Variants in UBE2E2 observed in about 807,000 individuals in gnomAD.
UBE2E2 encodes ubiquitin-conjugating enzyme E2 E2.
Under a neutral mutation model 24.7 loss-of-function variants are expected in UBE2E2, and 6 were observed. The observed-to-expected ratio is 0.24, with a 90% CI of 0.13 to 0.48. UBE2E2 has a LOEUF of 0.48. Among genes scored for constraint, UBE2E2 ranks in the 20% least tolerant of loss-of-function variants. The pLI is 0.99. For synonymous variants in UBE2E2, 104 were observed against 83.6 expected, an observed-to-expected ratio of 1.24 and a Z score of -1.33; for missense variants, 169 against 245.0, an observed-to-expected ratio of 0.69 and a Z score of 2.07.
chr3:23,240,047 C>G (rs531866389), intron 3 of UBE2E2, among the ~76,000 whole-genome samples: 2 of 152,182 alleles, frequency 1.3e-5, no homozygotes, highest in African/African-American at 4.8e-5. Context: ...CATAAAGGAG[C>G]CTGGTTAAAG....
rs568927822 is a variant in UBE2E2 at position 23,543,823 on chromosome 3, A to G, written c.508+11122A>G. On this transcript the variant is annotated intron_variant, in intron 5 of 5. Transcript: ENST00000396703. ...ATGTTACTTGATTTCAAATTATACT[A>G]CAAGTCTGTGGTAACCAACAGCATG... is the stretch of plus-strand genomic sequence containing the variant. 8.5e-5 allele frequency among the ~76,000 whole-genome samples: 13 copies of G among 152,320 alleles called. No individual in the cohort carries two copies. The East Asian group carries it at 2.5e-3, about 29-fold the overall frequency.
chr3:23,325,905 A>C (rs1055617734), intron 3 of UBE2E2, among the ~76,000 whole-genome samples: 73 of 152,208 alleles, frequency 4.8e-4, no homozygotes, highest in African/African-American at 1.7e-3. Flanking sequence ...TGAGTGATAT[A>C]GTCACACTGT....
At chr3:23,556,456 A>T (rs973077974) in intron 5 of UBE2E2, among the ~76,000 whole-genome samples, 3 of 145,268 alleles carry the variant, frequency 2.1e-5, no homozygotes, top group Non-Finnish European at 4.6e-5. Flanking sequence ...AATTTATTTA[A>T]AAAAAAAAAA....
chr3:23,469,640 C>T (rs1019325979), intron 3 of UBE2E2, among the ~76,000 whole-genome samples: 3 of 152,164 alleles, frequency 2.0e-5, no homozygotes, highest in Non-Finnish European at 4.4e-5. Flanking sequence ...ACCGACAGTT[C>T]ACTGGTAGAA....
intron 3 of UBE2E2, among the ~76,000 whole-genome samples, chr3:23,386,255 G>A (rs1170771655): frequency 6.6e-6 from 1 of 151,972 alleles, no homozygotes; most frequent in Non-Finnish European, 1.5e-5. Context: ...GGTGTCTAGT[G>A]AGGGTCCCCT....
intron 3 of UBE2E2, among the ~76,000 whole-genome samples, chr3:23,448,392 T>TA (rs997658015): frequency 1.4e-4 from 22 of 152,328 alleles, no homozygotes; most frequent in African/African-American, 5.3e-4. Flanking sequence ...GTCAAAAATT[T>TA]AATTTTCACA....
intron 3 of UBE2E2, among the ~76,000 whole-genome samples, chr3:23,312,447 C>T (rs1694434177): frequency 6.6e-6 from 1 of 151,982 alleles, no homozygotes; most frequent in Non-Finnish European, 1.5e-5. Context: ...TTGACTATAA[C>T]CCACCCTGAT....
chr3:23,261,412 C>G (rs1697898677), intron 3 of UBE2E2, among the ~76,000 whole-genome samples: 1 of 152,024 alleles, frequency 6.6e-6, no homozygotes, highest in Admixed American at 6.5e-5. Context: ...TTACCGTAAC[C>G]AAGTTAGCTA....
At chr3:23,580,835 A>G (rs1312755228) in intron 5 of UBE2E2, among the ~76,000 whole-genome samples, 2 of 152,226 alleles carry the variant, frequency 1.3e-5, no homozygotes, top group Non-Finnish European at 2.9e-5. Context: ...ATCATAAAAG[A>G]GCAGGGCTTA....
chr3:23,553,803 C>A (rs1364748771), intron 5 of UBE2E2, among the ~76,000 whole-genome samples: 1 of 152,006 alleles, frequency 6.6e-6, no homozygotes, highest in Non-Finnish European at 1.5e-5. Flanking sequence ...TTTATGATAG[C>A]ATTTAAAAAT....
In UBE2E2 at chr3:23,474,938, C is replaced by T. The variant is rs536434097; in HGVS notation, c.228-24670C>T. 5.3e-5 allele frequency among the ~76,000 whole-genome samples: 8 copies of T among 152,136 alleles called. No homozygotes were observed. The highest frequency in any genetic ancestry group is 3.4e-3 in the Middle Eastern group (1 of 294). ...ATTTTTTTATTTCTTAACCCACAAC[C>T]GATGACAAGCATTTCACTCAAATTG... On this transcript the variant is annotated intron_variant, in intron 3 of 5. Coordinates refer to ENST00000396703, the MANE Select transcript of UBE2E2 (RefSeq NM_152653.4). The surrounding 1 kb of genome is among the most constrained non-coding windows in gnomAD (Gnocchi z 4.0).
intron 3 of UBE2E2, among the ~76,000 whole-genome samples, chr3:23,324,270 A>G (rs1694826632): frequency 6.6e-6 from 1 of 152,156 alleles, no homozygotes; most frequent in Non-Finnish European, 1.5e-5. Flanking sequence ...TTTATAAAAT[A>G]CGAATTAAAT....
At chr3:23,527,337 T>G (rs956956227) in intron 4 of UBE2E2, among the ~76,000 whole-genome samples, 2 of 152,226 alleles carry the variant, frequency 1.3e-5, no homozygotes, top group South Asian at 2.1e-4. Flanking sequence ...TAAAAACTTA[T>G]GTTCACACAA....
Position 23,551,132 on chromosome 3 carries a change from A to G in UBE2E2, c.508+18431A>G, listed in dbSNP as rs534938930. 5.3e-5 allele frequency among the ~76,000 whole-genome samples: 8 copies of G among 152,342 alleles called. No individual in the cohort carries two copies. The South Asian group carries it at 1.7e-3, about 32-fold the overall frequency. On this transcript the variant is annotated intron_variant, in intron 5 of 5. Transcript: ENST00000396703. ...ACAACATTCTTTATGGAAATACAAC[A>G]AATTCCAACACTCAACAACATAAAA...
chr3:23,339,719 T>A (rs999845282), intron 3 of UBE2E2, among the ~76,000 whole-genome samples: 11 of 152,082 alleles, frequency 7.2e-5, no homozygotes, highest in South Asian at 2.1e-4. Flanking sequence ...GATTTTTTTT[T>A]AAATCTTCCC....
chr3:23,565,071 A>G (rs558991955), intron 5 of UBE2E2, among the ~76,000 whole-genome samples: 49 of 152,144 alleles, frequency 3.2e-4, no homozygotes, highest in Non-Finnish European at 6.3e-4. Flanking sequence ...AAAGTAAACA[A>G]TATACACACA....
At chr3:23,479,469 T>A (rs959231270) in intron 3 of UBE2E2, among the ~76,000 whole-genome samples, 1 of 152,096 alleles carries the variant, frequency 6.6e-6, no homozygotes, top group Admixed American at 6.5e-5. Context: ...AGGGAGCCCC[T>A]AGGCCTGGGC....
chr3:23,212,679 G>A (rs574711666), intron 2 of UBE2E2, among the ~76,000 whole-genome samples: 148 of 152,102 alleles, frequency 9.7e-4, no homozygotes, highest in South Asian at 2.3e-3. Flanking sequence ...TATCATATGG[G>A]CTCGTCTAAG....
chr3:23,537,345 A>G (rs1036106523), intron 5 of UBE2E2, among the ~76,000 whole-genome samples: 2 of 152,208 alleles, frequency 1.3e-5, no homozygotes, highest in African/African-American at 2.4e-5. Context: ...ACAAACATCA[A>G]CACTCAGGAT....
Sources: allele counts gnomAD v4.1 joint callset (sites outside exome capture counted in the v4.1 genomes callset), GRCh38; gene constraint gnomAD v4.1.1; non-coding constraint Gnocchi (gnomAD v3.1); transcripts MANE v1.5; gene names NCBI Gene and HGNC (gene_info 2026-07-23, HGNC 2026-07-21).